Variants in HEXB observed in about 807,000 individuals in gnomAD.
HEXB encodes the protein hexosaminidase subunit beta.
HEXB carries 51 observed loss-of-function variants against 71.2 expected under a neutral mutation model. That is an observed-to-expected ratio of 0.72 (90% CI 0.57 to 0.90). The LOEUF (loss-of-function observed/expected upper bound fraction) is 0.90, where lower values mean the gene tolerates loss of function less well. Ranked by LOEUF, HEXB falls within the 40% of genes least tolerant of loss-of-function variation. The pLI, the probability that HEXB is intolerant of heterozygous loss-of-function variation, is 0.00. For missense variants in HEXB, 617 were observed against 677.0 expected (o/e 0.91, Z 0.98); for synonymous variants, 266 against 249.3 (o/e 1.07, Z -0.63).
chr5:74,643,357 G>A (rs1343373926), intron 1 of HEXB, among the ~76,000 whole-genome samples: 1 of 152,176 alleles, frequency 6.6e-6, no homozygotes, highest in Non-Finnish European at 1.5e-5. Context: ...TTTTGTACAG[G>A]AAGAAACTTC....
At position 74,641,690 on chromosome 5, in the gene HEXB, A is replaced by C. The variant is rs1388066974; in HGVS notation, c.-377+1132A>C. Among the ~76,000 whole-genome samples the C allele has an allele frequency of 1.3e-5, 2 of 152,224 alleles. No individual in the cohort carries two copies. The highest frequency in any genetic ancestry group is 2.9e-5 in the Non-Finnish European group (2 of 68,036). ...CCGCGTGTCAGGAGAAGGGAAGGCG[A>C]TTCGAAAAATAATCTCGCGTGGTGA... On this transcript the variant is annotated intron_variant, in intron 1 of 13. Transcript: ENST00000511181. The surrounding 1 kb of genome is among the most constrained non-coding windows in gnomAD (Gnocchi z 4.1).
Position 74,705,223 on chromosome 5 carries a change from C to T in HEXB, c.674C>T (p.Ala225Val). The T allele has an allele frequency of 1.3e-6, 2 of 1,591,058 alleles. No homozygotes were observed. Among genetic ancestry groups the T allele is most frequent in the East Asian group, 4.5e-5 (2 of 44,732 alleles). ...PVKIILKTLD[A>V]MAFNKFNVLH... ...TTTAAATATGTTTGCTTGCAGGATGCCATGGCTTTTAATAAGTTTAATGTT... is the reference window on the plus strand; with the variant it reads ...TTTAAATATGTTTGCTTGCAGGATGTCATGGCTTTTAATAAGTTTAATGTT... The change falls in exon 6 of 14, where the codon GCC becomes GTC. Residue 225 changes from alanine to valine, a missense_variant. Coordinates refer to ENST00000261416, the MANE Select transcript of HEXB (RefSeq NM_000521.4).
chr5:74,641,232 G>A lies in HEXB; in HGVS notation c.-377+674G>A, dbSNP rs952849970. On this transcript the variant is annotated intron_variant, in intron 1 of 13. Transcript: ENST00000511181. The surrounding 1 kb of genome is among the most constrained non-coding windows in gnomAD (Gnocchi z 4.1). ...CACGCATAGACAGCGCCTTGGGTAG[G>A]ACACCCAGAGTGGGGAGAGATAGTG... The A allele has an allele frequency of 2.0e-5, 3 of 152,666 alleles. No individual in the cohort carries two copies. The highest frequency in any genetic ancestry group is 7.2e-5 in the African/African-American group (3 of 41,466). 9.5% of individuals were successfully genotyped at this position (152,666 alleles called of 1,614,324 possible).
intron 9 of HEXB, among the ~76,000 whole-genome samples, chr5:74,717,477 C>CATAT (rs57555383): frequency 0.023 from 3,417 of 146,606 alleles, 145 homozygotes; most frequent in Admixed American, 0.1. Context: ...CTGAAAAATG[C>CATAT]ATATATATAT....
chr5:74,689,925 A>G (rs1748959885), intron 2 of HEXB: 1 of 188,818 alleles, frequency 5.3e-6, no homozygotes, highest in South Asian at 1.1e-4. Context: ...CTGTGATATC[A>G]TTTTCAATGG....
intron 1 of HEXB, among the ~76,000 whole-genome samples, chr5:74,651,016 T>A (rs1748096712): frequency 6.6e-6 from 1 of 151,948 alleles, no homozygotes; most frequent in South Asian, 2.1e-4. Context: ...TACAATGATG[T>A]AATGTTTGGA....
intron 6 of HEXB, among the ~76,000 whole-genome samples, chr5:74,712,498 C>T (rs537390946): frequency 3.3e-5 from 5 of 152,124 alleles, no homozygotes; most frequent in South Asian, 4.1e-4. Context: ...GTCTTTTTCT[C>T]TTATTTAAAA....
intron 1 of HEXB, among the ~76,000 whole-genome samples, chr5:74,645,864 A>G (rs1747992975): frequency 6.6e-6 from 1 of 152,234 alleles, no homozygotes; most frequent in Non-Finnish European, 1.5e-5. Context: ...AAAACACAGA[A>G]AAGCAAAAGA....
chr5:74,656,213 G>C (rs9716515), intron 1 of HEXB, among the ~76,000 whole-genome samples: 1 of 152,006 alleles, frequency 6.6e-6, no homozygotes, highest in Non-Finnish European at 1.5e-5. Context: ...CCCAGCACTT[G>C]GGGAGGCCTA....
chr5:74,657,659 A>G (rs902087391), intron 1 of HEXB, among the ~76,000 whole-genome samples: 1 of 152,260 alleles, frequency 6.6e-6, no homozygotes, highest in Non-Finnish European at 1.5e-5. Context: ...TTAGCTATTC[A>G]TCAAAATTTT....
At chr5:74,649,349 C>T (rs1002774749) in intron 1 of HEXB, among the ~76,000 whole-genome samples, 1 of 152,152 alleles carries the variant, frequency 6.6e-6, no homozygotes, top group Non-Finnish European at 1.5e-5. Flanking sequence ...GACAGGGACT[C>T]ATTTGTCCAA....
At chr5:74,720,950 G>A (rs2112187559) in intron 13 of HEXB, 168 bp from the exon 14 acceptor site, 1 of 774,368 alleles carries the variant, frequency 1.3e-6, no homozygotes, top group African/African-American at 1.7e-5. Context: ...GTGTAACTTA[G>A]AACTCCATCT....
chr5:74,713,491 A>G lies in HEXB; in HGVS notation c.772-15A>G, dbSNP rs749138535. On this transcript the variant is annotated splice_polypyrimidine_tract_variant and intron_variant, in intron 6 of 13. Coordinates refer to ENST00000261416, the MANE Select transcript of HEXB (RefSeq NM_000521.4). ...ACGTTGTACATTTTAACTTGAATAA[A>G]TATGGCTTTTACAGGGAAGCTATTC... The G allele has an allele frequency of 6.2e-7, 1 of 1,609,524 alleles. No individual in the cohort carries two copies. The highest frequency in any genetic ancestry group is 8.5e-7 in the Non-Finnish European group (1 of 1,175,976).
rs533645939 is a variant in HEXB at position 74,713,549 on chromosome 5, G to A, written c.815G>A (p.Arg272His). ...CATGTTTATACACCAAATGATGTCC[G>A]TATGGTGATTGAATATGCCAGATTA... ...LSHVYTPNDV[R>H]MVIEYARLRG... Residue 272 changes from arginine to histidine, a missense_variant, in exon 7 of 14, where the codon CGT (arginine) becomes CAT (histidine). Arg to His is a conservative substitution (Grantham distance 29). Coordinates refer to ENST00000261416, the MANE Select transcript of HEXB (RefSeq NM_000521.4). The A allele has an allele frequency of 1.0e-5, 16 of 1,607,188 alleles. No homozygotes were observed. The highest frequency in any genetic ancestry group is 2.2e-5 in the South Asian group (2 of 90,948).
intron 1 of HEXB, among the ~76,000 whole-genome samples, chr5:74,679,669 C>G (rs1036522634): frequency 4.6e-5 from 7 of 151,606 alleles, no homozygotes; most frequent in Non-Finnish European, 1.5e-5. Context: ...GAGTGGTGGC[C>G]CACACCTGTA....
At chr5:74,665,233 A>G (rs999830408) in intron 1 of HEXB, among the ~76,000 whole-genome samples, 1 of 152,256 alleles carries the variant, frequency 6.6e-6, no homozygotes, top group African/African-American at 2.4e-5. Context: ...GCAAGTGACA[A>G]AGCAATATAG....
upstream of HEXB, among the ~76,000 whole-genome samples, chr5:74,680,298 G>A (rs1748715445): frequency 6.6e-6 from 1 of 152,176 alleles, no homozygotes; most frequent in African/African-American, 2.4e-5. Context: ...CAGACTCGTT[G>A]TTGCCTCTCA....
At chr5:74,683,894 C>A (rs1320228785), upstream of HEXB, among the ~76,000 whole-genome samples, 2 of 150,474 alleles carry the variant, frequency 1.3e-5, no homozygotes, top group Admixed American at 1.3e-4. Flanking sequence ...GATCTCAGCT[C>A]ACTAAAACTT....
intron 9 of HEXB, among the ~76,000 whole-genome samples, chr5:74,717,303 ATATTTTAC>A (rs1749694247): frequency 6.6e-6 from 1 of 152,102 alleles, no homozygotes; most frequent in Non-Finnish European, 1.5e-5. Context: ...CCAGGAACAT[ATATTTTAC>A]TATATACCTG....
Sources: allele counts gnomAD v4.1 joint callset (sites outside exome capture counted in the v4.1 genomes callset), GRCh38; gene constraint gnomAD v4.1.1; non-coding constraint Gnocchi (gnomAD v3.1); transcripts MANE v1.5; gene names NCBI Gene and HGNC (gene_info 2026-07-23, HGNC 2026-07-21).